Variants in PCDHA8 observed in about 807,000 individuals in gnomAD.
PCDHA8 encodes protocadherin alpha-8.
PCDHA8 carries 53 observed loss-of-function variants against 61.8 expected under a neutral mutation model. The ratio of observed to expected loss-of-function variants is 0.86; its 90% confidence interval spans 0.69 to 1.08. The LOEUF is 1.08. Ranked by LOEUF, PCDHA8 falls within the 50% of genes least tolerant of loss-of-function variation. The pLI is 0.00. For synonymous variants in PCDHA8, 618 were observed against 556.6 expected (o/e 1.11, Z -1.55); for missense variants, 1,293 against 1,245.0 (o/e 1.04, Z -0.58).
chr5:140,897,947 T>G (rs1276045551), intron 1 of PCDHA8, among the ~76,000 whole-genome samples: 14 of 152,168 alleles, frequency 9.2e-5, no homozygotes, highest in African/African-American at 3.4e-4. Context: ...CAGTGATGAT[T>G]AGCATTTTTT....
intron 1 of PCDHA8, chr5:140,869,865 T>C (rs782263076): frequency 6.2e-7 from 1 of 1,610,308 alleles, no homozygotes; most frequent in Non-Finnish European, 8.5e-7. Context: ...TTATGGAAAA[T>C]GCTGCTAAAG....
chr5:140,941,281 C>A (rs12652617), intron 1 of PCDHA8, among the ~76,000 whole-genome samples: 1 of 69,002 alleles, frequency 1.4e-5, no homozygotes, highest in Non-Finnish European at 3.2e-5. Context: ...TTCCTTCCTT[C>A]CTTTCTCTTT....
intron 1 of PCDHA8, chr5:140,883,740 C>A: frequency 6.2e-7 from 1 of 1,613,368 alleles, no homozygotes; most frequent in Non-Finnish European, 8.5e-7. Context: ...GCGCTGGTCT[C>A]CTACTCGCTG....
intron 1 of PCDHA8, chr5:140,863,244 G>A (rs1292060203): frequency 7.3e-7 from 1 of 1,361,116 alleles, no homozygotes; most frequent in Non-Finnish European, 1.0e-6. Context: ...GGGCTTTGGC[G>A]GGCGTCGAGG....
intron 1 of PCDHA8, among the ~76,000 whole-genome samples, chr5:140,947,713 T>G (rs1252298380): frequency 6.6e-6 from 1 of 151,618 alleles, no homozygotes; most frequent in African/African-American, 2.4e-5. Flanking sequence ...AGTATTGAGG[T>G]TTCAAAAGTT....
chr5:140,854,987 T>C (rs1220578373), intron 1 of PCDHA8, among the ~76,000 whole-genome samples: 1 of 149,970 alleles, frequency 6.7e-6, no homozygotes, highest in Admixed American at 6.7e-5. Context: ...TAAGATTCTT[T>C]TTGCCCGTGT....
At chr5:140,967,298 G>A in intron 1 of PCDHA8, 1 of 1,612,692 alleles carries the variant, frequency 6.2e-7, no homozygotes, top group Non-Finnish European at 8.5e-7. Flanking sequence ...CCCCGACGTG[G>A]GCGCCAACTC....
intron 1 of PCDHA8, chr5:140,871,163 GC>G: frequency 6.2e-7 from 1 of 1,613,476 alleles, no homozygotes; most frequent in Non-Finnish European, 8.5e-7. Context: ...GGCGCCGCGA[GC>G]CCAGAGGCTG....
At chr5:140,875,039 A>G (rs1443862423) in intron 1 of PCDHA8, among the ~76,000 whole-genome samples, 1 of 152,230 alleles carries the variant, frequency 6.6e-6, no homozygotes, top group East Asian at 1.9e-4. Context: ...TATTTGAAAG[A>G]TTTCTACTTT....
chr5:140,851,287 C>T, intron 1 of PCDHA8: 1 of 1,037,890 alleles, frequency 9.6e-7, no homozygotes, highest in Non-Finnish European at 1.2e-6. Flanking sequence ...ATAAGAAACC[C>T]AAGCAAAAAT....
intron 3 of PCDHA8, among the ~76,000 whole-genome samples, chr5:140,996,886 T>C (rs1396322934): frequency 6.6e-6 from 1 of 152,218 alleles, no homozygotes; most frequent in Non-Finnish European, 1.5e-5. Context: ...TATTTTTAAA[T>C]AAAATAGAAT....
intron 1 of PCDHA8, among the ~76,000 whole-genome samples, chr5:140,898,111 T>C (rs1319791706): frequency 6.6e-6 from 1 of 152,184 alleles, no homozygotes; most frequent in Non-Finnish European, 1.5e-5. Context: ...ATGAGTAGGT[T>C]GCGAAAATTT....
At chr5:140,976,718 C>A (rs2096728735) in intron 1 of PCDHA8, among the ~76,000 whole-genome samples, 1 of 152,096 alleles carries the variant, frequency 6.6e-6, no homozygotes, top group South Asian at 2.1e-4. Context: ...CATTATAGTT[C>A]ATTTATTTAA....
Position 140,842,447 on chromosome 5 carries a change from G to A in PCDHA8, c.1126G>A (p.Asp376Asn). The A allele has an allele frequency of 6.2e-7, 1 of 1,613,790 alleles. No individual in the cohort carries two copies. Among genetic ancestry groups the A allele is most frequent in the Non-Finnish European group, 8.5e-7 (1 of 1,179,796 alleles). Residue 376 changes from aspartate to asparagine, a missense_variant, in exon 1 of 4, where the codon GAC becomes AAC. Coordinates refer to ENST00000531613, the MANE Select transcript of PCDHA8 (RefSeq NM_018911.3). Reference sequence around the variant, plus strand: ...TGTCATCGCCCTAATTAGCGTGAACGACCTCGATTCAGGTGCCAACGGGCA... The same window carrying A: ...TGTCATCGCCCTAATTAGCGTGAACAACCTCGATTCAGGTGCCAACGGGCA... ...GTVIALISVN[D>N]LDSGANGQVT...
In PCDHA8 at chr5:140,876,415, G is replaced by C. The variant is rs782679956; in HGVS notation, c.2394+32700G>C. 3 of 1,613,842 alleles carry C rather than the reference G, an allele frequency of 1.9e-6. No individual in the cohort carries two copies. The African/African-American group carries it at 4.0e-5, about 22-fold the overall frequency. On this transcript the variant is annotated intron_variant, in intron 1 of 3. Transcript: ENST00000531613. ...TGAACTGGATTTTGAAGAGAATAATGCCTATGAAATTCAGGTTAACGCCAT... is the reference window on the plus strand; with the variant it reads ...TGAACTGGATTTTGAAGAGAATAATCCCTATGAAATTCAGGTTAACGCCAT...
At chr5:140,891,402 C>T (rs2153434100) in intron 1 of PCDHA8, among the ~76,000 whole-genome samples, 1 of 151,650 alleles carries the variant, frequency 6.6e-6, no homozygotes, top group East Asian at 1.9e-4. Context: ...TATCCCTCGC[C>T]ACCCCCCACT....
At chr5:141,002,682 G>A (rs536105955) in intron 3 of PCDHA8, among the ~76,000 whole-genome samples, 51 of 152,256 alleles carry the variant, frequency 3.3e-4, no homozygotes, top group African/African-American at 1.0e-3. Flanking sequence ...CCTATACGAC[G>A]TGCAGATTTG....
chr5:140,842,824 G>A lies in PCDHA8; in HGVS notation c.1503G>A (p.Glu501=), dbSNP rs1778307611. 2.5e-6 allele frequency: 4 copies of A among 1,593,676 alleles called. No individual in the cohort carries two copies. The highest frequency in any genetic ancestry group is 1.3e-5 in the African/African-American group (1 of 74,262). Residue 501 remains glutamate, a synonymous_variant, in exon 1 of 4, where the codon GAG becomes GAA. Coordinates refer to ENST00000531613, the MANE Select transcript of PCDHA8 (RefSeq NM_018911.3). The part of the protein sequence containing the change: ...SYSLVERRVG[E]RSLSSYISVH... ...CGCTTGTGGAGCGGCGGGTGGGCGA[G>A]CGCTCGCTGTCGAGCTACATTTCGG... is the stretch of plus-strand genomic sequence containing the variant.
chr5:140,850,457 C>A lies in PCDHA8; in HGVS notation c.2394+6742C>A. ...GCCTACTGGTGCTGGTGAAAGACCA[C>A]GGGGAGCCAGCGCTGACGGCCACGG... On this transcript the variant is annotated intron_variant, in intron 1 of 3. Transcript: ENST00000531613. The A allele has an allele frequency of 3.1e-6, 5 of 1,597,798 alleles. 1 individual carries two copies. Among genetic ancestry groups the A allele is most frequent in the Non-Finnish European group, 4.3e-6 (5 of 1,167,620 alleles).
Sources: gnomAD v4.1 joint callset for allele counts (sites outside exome capture counted in the v4.1 genomes callset) on GRCh38, gnomAD v4.1.1 for gene constraint, MANE v1.5 for transcripts, NCBI Gene and HGNC (gene_info 2026-07-23, HGNC 2026-07-21) for gene names.